POLQ: variants seen among roughly 807,000 people sequenced by gnomAD.
POLQ encodes DNA polymerase theta, also known as epididymis secretory sperm binding protein.
POLQ carries 233 observed loss-of-function variants against 259.2 expected under a neutral mutation model. The ratio of observed to expected loss-of-function variants is 0.90; its 90% confidence interval spans 0.81 to 1.00. POLQ has a LOEUF of 1.00. Ranked by LOEUF, POLQ falls within the 50% of genes least tolerant of loss-of-function variation. POLQ has a pLI of 0.00. For missense variants in POLQ, 2,871 were observed against 3,051.6 expected, an observed-to-expected ratio of 0.94 and a Z score of 1.39; for synonymous variants, 1,025 against 1,048.8, an observed-to-expected ratio of 0.98 and a Z score of 0.44.
chr3:121,506,269 A>C (rs1405038251), intron 12 of POLQ, among the ~76,000 whole-genome samples: 1 of 105,826 alleles, frequency 9.4e-6, no homozygotes, highest in African/African-American at 3.9e-5. Context: ...CTTTAAAACT[A>C]AAAACAAAAC....
chr3:121,520,812 G>A (rs1322404477), intron 8 of POLQ, among the ~76,000 whole-genome samples: 1 of 152,164 alleles, frequency 6.6e-6, no homozygotes, highest in Admixed American at 6.5e-5. Context: ...ACTCCTTGTG[G>A]GTAGTGATAT....
chr3:121,488,246 T>C lies in POLQ; in HGVS notation c.4685A>G (p.Asp1562Gly). The C allele has an allele frequency of 6.2e-7, 1 of 1,613,294 alleles. No homozygotes were observed. The change falls in exon 16 of 30, where the codon GAT becomes GGT. Residue 1562 changes from aspartate (D) to glycine (G), a missense_variant. By Grantham distance (94) the Asp-to-Gly change is moderately conservative (BLOSUM62 -1). Transcript: ENST00000264233. ...NDESIIFSEM[D>G]SVQMVEALDN... Reference sequence around the variant, plus strand: ...CAAAGCTTCAACCATCTGAACAGAATCCATTTCTGAAAATATAATAGATTC... The same window carrying C: ...CAAAGCTTCAACCATCTGAACAGAACCCATTTCTGAAAATATAATAGATTC...
rs2047510771 is a variant in POLQ, at chr3:121,432,995, G to A, written c.7582C>T (p.Pro2528Ser). The A allele has an allele frequency of 6.2e-7, 1 of 1,611,978 alleles. No individual in the cohort carries two copies. The highest frequency in any genetic ancestry group is 8.5e-7 in the Non-Finnish European group (1 of 1,178,118). ...AGGATGAAGAAGCCTCCTCTGATTG[G>A]GCAGAACATCCCTTGCAGTTTTCTC... Reference protein sequence around the residue: ...RKRKLQGMFCPIRGGFFILQL... With the variant: ...RKRKLQGMFCSIRGGFFILQL... Residue 2528 changes from proline to serine, a missense_variant, in exon 29 of 30, where the codon CCA becomes TCA. Coordinates refer to ENST00000264233, the MANE Select transcript of POLQ (RefSeq NM_199420.4).
intron 25 of POLQ, among the ~76,000 whole-genome samples, chr3:121,454,233 C>T (rs1336074619): frequency 6.6e-6 from 1 of 152,116 alleles, no homozygotes; most frequent in Non-Finnish European, 1.5e-5. Flanking sequence ...CTGAAGGAAG[C>T]ACTAAACATG....
intron 25 of POLQ, among the ~76,000 whole-genome samples, chr3:121,453,857 T>C (rs2047703913): frequency 6.6e-6 from 1 of 152,088 alleles, no homozygotes; most frequent in Admixed American, 6.5e-5. Flanking sequence ...CAGGCCAACA[T>C]TCACATTCAG....
At chr3:121,481,453 C>T in intron 19 of POLQ, 119 bp downstream of exon 19, 1 of 917,938 alleles carries the variant, frequency 1.1e-6, no homozygotes, top group South Asian at 1.8e-5. Context: ...AGAAAAAAAG[C>T]ACTAGACAAT....
At chr3:121,519,841 G>A (rs1404892747) in intron 9 of POLQ, 30 bp downstream of exon 9, 1 of 1,203,276 alleles carries the variant, frequency 8.3e-7, no homozygotes, top group East Asian at 2.3e-5. Flanking sequence ...CTTCAGCAAT[G>A]CTGCTACAAT....
At chr3:121,503,611 A>G (rs2048188869) in intron 12 of POLQ, among the ~76,000 whole-genome samples, 1 of 152,216 alleles carries the variant, frequency 6.6e-6, no homozygotes, top group Non-Finnish European at 1.5e-5. Flanking sequence ...AGCAAAATGT[A>G]TAGCTGTCTC....
At chr3:121,534,459 G>C (rs1353353087) in intron 5 of POLQ, among the ~76,000 whole-genome samples, 1 of 151,786 alleles carries the variant, frequency 6.6e-6, no homozygotes, top group African/African-American at 2.4e-5. Context: ...GAGTAGCTGG[G>C]ATTGCAGGTA....
chr3:121,525,028 C>T (rs7628829), intron 7 of POLQ, among the ~76,000 whole-genome samples: 4 of 151,930 alleles, frequency 2.6e-5, no homozygotes, highest in East Asian at 1.9e-4. Context: ...GTCAAAAATC[C>T]GCACACAACT....
At chr3:121,450,290 A>T (rs1375907746) in intron 25 of POLQ, among the ~76,000 whole-genome samples, 8 of 152,130 alleles carry the variant, frequency 5.3e-5, no homozygotes, top group Non-Finnish European at 1.2e-4. Flanking sequence ...ATTCCAAAAA[A>T]ACTTTCAACA....
intron 12 of POLQ, among the ~76,000 whole-genome samples, chr3:121,502,880 CT>C (rs1191789593): frequency 6.6e-6 from 1 of 152,020 alleles, no homozygotes. Flanking sequence ...CTTTATTTCA[CT>C]GCAATTAAGT....
chr3:121,488,851 T>C lies in POLQ; in HGVS notation c.4080A>G (p.Gln1360=). 7 of 1,614,034 alleles carry C rather than the reference T, an allele frequency of 4.3e-6. No homozygotes were observed. The highest frequency in any genetic ancestry group is 2.2e-5 in the East Asian group (1 of 44,876). ...AAGIMQKSLV[Q]QNSMNSFQKE... The stretch of plus-strand genomic sequence containing the variant: ...TCTGAAAAGAGTTCATTGAGTTCTG[T>C]TGGACTAAGCTCTTCTGCATTATCC... The change falls in exon 16 of 30, where the codon CAA becomes CAG. Residue 1360 remains glutamine, a synonymous_variant. Coordinates refer to ENST00000264233, the MANE Select transcript of POLQ (RefSeq NM_199420.4).
chr3:121,447,390 T>G (rs984187000), intron 26 of POLQ, among the ~76,000 whole-genome samples: 4 of 152,100 alleles, frequency 2.6e-5, no homozygotes, highest in African/African-American at 9.7e-5. Context: ...CTTGAACTCC[T>G]GACCTCAGGT....
At chr3:121,533,331 T>C (rs1250973322) in intron 5 of POLQ, 122 bp from the exon 6 acceptor site, 1 of 504,464 alleles carries the variant, frequency 2.0e-6, no homozygotes, top group East Asian at 3.2e-5. Flanking sequence ...TTAGGATATA[T>C]ACCTAAGAAT....
intron 25 of POLQ, among the ~76,000 whole-genome samples, chr3:121,450,721 A>T (rs976417243): frequency 1.3e-5 from 2 of 151,696 alleles, no homozygotes; most frequent in Admixed American, 1.3e-4. Flanking sequence ...TGCCCTTAAC[A>T]TTTTTTCCTT....
intron 5 of POLQ, among the ~76,000 whole-genome samples, chr3:121,533,904 T>C (rs960616820): frequency 6.3e-4 from 34 of 53,632 alleles, no homozygotes; most frequent in Admixed American, 2.5e-3. Flanking sequence ...GTGGATACCC[T>C]TTTTTTTTTT....
rs780382895 is a variant in POLQ at position 121,490,016 on chromosome 3, T to C, written c.2915A>G (p.Asn972Ser). 10 of 1,576,282 alleles carry C rather than the reference T, an allele frequency of 6.3e-6. No individual in the cohort carries two copies. The Middle Eastern group carries it at 5.1e-4, about 80-fold the overall frequency. The change falls in exon 16 of 30, where the codon AAT becomes AGT. Residue 972 changes from asparagine (N) to serine (S), a missense_variant. Asn to Ser is a conservative substitution (Grantham distance 46). Around this residue, in one of 3 missense-constraint regions of POLQ, gnomAD observed 2,080 missense variants for 2,126.0 expected, o/e 0.98. Transcript: ENST00000264233. ...ATGTTCTTGATTCCCATTCTGGAAA[T>C]TACAATTAAAGGAACTTGTATGCTC... ...SREHTSSFNC[N>S]FQNGNQEHQT...
At chr3:121,461,772 A>G (rs1260245864) in intron 24 of POLQ, among the ~76,000 whole-genome samples, 1 of 152,198 alleles carries the variant, frequency 6.6e-6, no homozygotes, top group Non-Finnish European at 1.5e-5. Flanking sequence ...ATTTGCTTAT[A>G]TCTGCATAAA....
Sources: allele counts gnomAD v4.1 joint callset (sites outside exome capture counted in the v4.1 genomes callset), GRCh38; gene constraint gnomAD v4.1.1; regional missense constraint gnomAD v4.1.1; transcripts MANE v1.5; gene names NCBI Gene and HGNC (gene_info 2026-07-23, HGNC 2026-07-21).